Variants in SORCS1 observed in about 807,000 individuals in gnomAD.
SORCS1 encodes VPS10 domain-containing receptor SorCS1.
In SORCS1, 60 loss-of-function variants were observed where a neutral mutation model predicts 146.1. The ratio of observed to expected loss-of-function variants is 0.41; its 90% CI spans 0.33 to 0.51. The LOEUF (loss-of-function observed/expected upper bound fraction) is 0.51. SORCS1 is among the 20% of genes least tolerant of loss of function. The pLI is 0.21. For synonymous variants in SORCS1, 637 were observed against 584.0 expected, an observed-to-expected ratio of 1.09 and a Z score of -1.31; for missense variants, 1,352 against 1,487.6, an observed-to-expected ratio of 0.91 and a Z score of 1.50.
chr10:106,682,178 C>CA (rs1409314553), intron 10 of SORCS1, among the ~76,000 whole-genome samples: 1 of 152,012 alleles, frequency 6.6e-6, no homozygotes, highest in Non-Finnish European at 1.5e-5. Flanking sequence ...ACAAACAAAA[C>CA]AAAAAACAAG....
chr10:106,709,413 G>T, intron 6 of SORCS1, 72 bp from the exon 7 acceptor site: 1 of 832,188 alleles, frequency 1.2e-6, no homozygotes, highest in Admixed American at 2.4e-5. Flanking sequence ...CAGTCAGGGT[G>T]GACGTTTGAT....
chr10:106,709,152 G>T, intron 7 of SORCS1, 71 bp downstream of exon 7: 1 of 1,205,930 alleles, frequency 8.3e-7, no homozygotes, highest in East Asian at 2.4e-5. Flanking sequence ...GGAGTGTAAA[G>T]CAGGCAAAAG....
chr10:106,983,720 T>C (rs867429510), intron 1 of SORCS1, among the ~76,000 whole-genome samples: 43 of 152,278 alleles, frequency 2.8e-4, no homozygotes, highest in Middle Eastern at 3.4e-3. Flanking sequence ...TGGTAAAGAT[T>C]TAAGTTCAAA....
intron 1 of SORCS1, among the ~76,000 whole-genome samples, chr10:107,138,478 C>T (rs1018026681): frequency 5.3e-5 from 8 of 152,308 alleles, no homozygotes; most frequent in African/African-American, 1.9e-4. Flanking sequence ...AGTAATCCTA[C>T]CTTCCAGTAA....
At chr10:106,856,526 C>T (rs1420389339) in intron 2 of SORCS1, among the ~76,000 whole-genome samples, 1 of 152,202 alleles carries the variant, frequency 6.6e-6, no homozygotes, top group African/African-American at 2.4e-5. Flanking sequence ...AGGTGAGGCT[C>T]TGTTAACTAG....
chr10:107,138,441 T>A (rs1967526528), intron 1 of SORCS1, among the ~76,000 whole-genome samples: 1 of 152,226 alleles, frequency 6.6e-6, no homozygotes, highest in Non-Finnish European at 1.5e-5. Context: ...TTTCCCCTCC[T>A]ATTTTTCCTT....
chr10:106,599,496 A>T (rs1846108266), intron 23 of SORCS1, among the ~76,000 whole-genome samples: 1 of 152,186 alleles, frequency 6.6e-6, no homozygotes, highest in African/African-American at 2.4e-5. Context: ...TTTAATTGGC[A>T]GAGTCTTTAT....
chr10:107,165,292 AGTGT>A (rs3982278), upstream of SORCS1, among the ~76,000 whole-genome samples: 74 of 142,794 alleles, frequency 5.2e-4, 1 homozygote, highest in South Asian at 1.4e-3. This position sits in a 1 kb window ranked among gnomAD's most constrained non-coding sequence, Gnocchi z 4.0. Flanking sequence ...CTCGTGTGTG[AGTGT>A]GTGTGTGTGT....
In SORCS1 at chr10:107,164,126, T is replaced by A; in HGVS notation, c.401A>T (p.Asp134Val). 1 of 1,613,546 alleles carries A rather than the reference T, an allele frequency of 6.2e-7. No homozygotes were observed. The highest frequency in any genetic ancestry group is 8.5e-7 in the Non-Finnish European group (1 of 1,179,966). The change falls in exon 1 of 26, where the codon GAT becomes GTT. Residue 134 changes from aspartate (D) to valine (V), a missense_variant. This residue lies in a region of SORCS1 where 490 missense variants were observed against 489.1 expected (regional missense o/e 1.00). Coordinates refer to ENST00000263054, the MANE Select transcript of SORCS1 (RefSeq NM_052918.5). This position sits in a 1 kb window ranked among gnomAD's most constrained non-coding sequence, Gnocchi z 6.8. ...ASRSPRGVLR[D>V]GGQQEPGTRE... ...AGTCCCAGGCTCCTGCTGCCCTCCA[T>A]CTCTTAGCACTCCCCGGGGGCTCCG...
At chr10:106,809,574 C>T (rs1947358821) in intron 3 of SORCS1, among the ~76,000 whole-genome samples, 1 of 152,072 alleles carries the variant, frequency 6.6e-6, no homozygotes, top group Non-Finnish European at 1.5e-5. Context: ...AGGCTGAGCT[C>T]CTGAGTACAA....
chr10:106,710,783 C>A (rs79840290), intron 6 of SORCS1, among the ~76,000 whole-genome samples: 194 of 152,290 alleles, frequency 1.3e-3, no homozygotes, highest in African/African-American at 4.5e-3. Flanking sequence ...CTAATCTCTT[C>A]TACTCTCTCT....
intron 1 of SORCS1, among the ~76,000 whole-genome samples, chr10:107,084,092 G>GTTTT (rs34590427): frequency 1.2e-4 from 14 of 113,782 alleles, no homozygotes; most frequent in Admixed American, 1.8e-4. Context: ...GTTGTTTTTT[G>GTTTT]TTTTTTTTTT....
At chr10:106,860,404 C>T (rs1259020883) in intron 2 of SORCS1, among the ~76,000 whole-genome samples, 5 of 152,214 alleles carry the variant, frequency 3.3e-5, no homozygotes, top group African/African-American at 1.2e-4. Flanking sequence ...TTACCCTACA[C>T]TCCTGAATTA....
intron 9 of SORCS1, among the ~76,000 whole-genome samples, chr10:106,690,300 C>A (rs1853199466): frequency 6.6e-6 from 1 of 152,228 alleles, no homozygotes; most frequent in African/African-American, 2.4e-5. Context: ...TTCACAAAGT[C>A]ATACTGGTCC....
At chr10:106,813,905 A>G (rs1463603669) in intron 3 of SORCS1, among the ~76,000 whole-genome samples, 1 of 152,214 alleles carries the variant, frequency 6.6e-6, no homozygotes, top group African/African-American at 2.4e-5. Context: ...GTGAGCTATG[A>G]TCACACCACT....
intron 1 of SORCS1, among the ~76,000 whole-genome samples, chr10:107,151,133 G>T (rs1285686716): frequency 6.6e-6 from 1 of 152,116 alleles, no homozygotes; most frequent in Non-Finnish European, 1.5e-5. Flanking sequence ...TAGAGAATTG[G>T]AAGGCTCAGA....
At chr10:106,607,560 C>T (rs377207509) in intron 22 of SORCS1, among the ~76,000 whole-genome samples, 3 of 152,216 alleles carry the variant, frequency 2.0e-5, no homozygotes, top group Non-Finnish European at 2.9e-5. Context: ...TCTATGCCTA[C>T]ATTCCTTTAA....
intron 1 of SORCS1, among the ~76,000 whole-genome samples, chr10:107,025,974 C>T (rs1480714563): frequency 6.6e-6 from 1 of 152,130 alleles, no homozygotes; most frequent in Non-Finnish European, 1.5e-5. Context: ...CATCAGCCTC[C>T]CTTCACACAA....
chr10:106,679,228 A>T, intron 12 of SORCS1, 28 bp downstream of exon 12: 1 of 1,579,054 alleles, frequency 6.3e-7, no homozygotes, highest in South Asian at 1.1e-5. Context: ...CTTAAACTTC[A>T]GCGATTTGAC....
Sources: gnomAD v4.1 joint callset for allele counts (sites outside exome capture counted in the v4.1 genomes callset) on GRCh38, gnomAD v4.1.1 for gene constraint, gnomAD v4.1.1 regional missense constraint, Gnocchi (gnomAD v3.1) non-coding constraint, MANE v1.5 for transcripts, NCBI Gene and HGNC (gene_info 2026-07-23, HGNC 2026-07-21) for gene names.